RPTOR: variants seen among roughly 807,000 people sequenced by gnomAD.
RPTOR encodes the protein regulatory associated protein of MTOR complex 1.
A neutral mutation model predicts 169.9 loss-of-function variants in RPTOR; 21 were observed. That is an observed-to-expected ratio of 0.12 (90% CI 0.09 to 0.18). The LOEUF is 0.18. Among genes scored for constraint, RPTOR ranks in the 10% least tolerant of loss-of-function variants. The pLI is 1.00. For synonymous variants in RPTOR, 732 were observed against 753.2 expected (o/e 0.97, Z 0.46); for missense variants, 1,133 against 1,855.9 (o/e 0.61, Z 7.16).
intron 3 of RPTOR, among the ~76,000 whole-genome samples, chr17:80,700,779 TGA>T (rs2066092277): frequency 1.8e-4 from 2 of 11,220 alleles, no homozygotes; most frequent in African/African-American, 9.1e-4. Flanking sequence ...ATGGTAGAGA[TGA>T]TGATGGTGGT....
At chr17:80,672,443 G>A (rs1337426210) in intron 3 of RPTOR, among the ~76,000 whole-genome samples, 1 of 151,236 alleles carries the variant, frequency 6.6e-6, no homozygotes, top group Non-Finnish European at 1.5e-5. Flanking sequence ...GCATATATGA[G>A]GGGACTTCAA....
intron 5 of RPTOR, among the ~76,000 whole-genome samples, chr17:80,742,538 G>A (rs1240319210): frequency 1.3e-5 from 2 of 151,118 alleles, no homozygotes; most frequent in African/African-American, 4.9e-5. Flanking sequence ...ACATGTACAC[G>A]TATACTCACC....
At chr17:80,891,663 C>A in intron 17 of RPTOR, 57 bp from the exon 18 acceptor site, 1 of 1,195,394 alleles carries the variant, frequency 8.4e-7, no homozygotes, top group Non-Finnish European at 1.2e-6. Context: ...CTCACTGCTG[C>A]TCCACAATCA....
chr17:80,636,008 C>T (rs2065503525), intron 2 of RPTOR, among the ~76,000 whole-genome samples: 1 of 152,120 alleles, frequency 6.6e-6, no homozygotes, highest in Non-Finnish European at 1.5e-5. Context: ...AGGCAGACCT[C>T]AGGATTTTAT....
intron 7 of RPTOR, among the ~76,000 whole-genome samples, chr17:80,800,568 C>T (rs908147538): frequency 1.3e-5 from 2 of 152,116 alleles, no homozygotes; most frequent in Admixed American, 1.3e-4. Context: ...GAACCTTCCT[C>T]GAGCGACCCC....
intron 20 of RPTOR, among the ~76,000 whole-genome samples, chr17:80,898,224 T>C (rs1008925395): frequency 2.6e-4 from 40 of 152,232 alleles, no homozygotes; most frequent in African/African-American, 8.9e-4. Flanking sequence ...TCTCATTCTT[T>C]CCCTTGAGGC....
chr17:80,897,332 C>A (rs531717769), intron 20 of RPTOR, among the ~76,000 whole-genome samples: 10 of 151,954 alleles, frequency 6.6e-5, no homozygotes, highest in South Asian at 2.1e-4. Context: ...ACCTTTGATA[C>A]GACATTTGCT....
chr17:80,944,676 G>A (rs1475161852), intron 25 of RPTOR, among the ~76,000 whole-genome samples: 3 of 152,114 alleles, frequency 2.0e-5, no homozygotes, highest in South Asian at 2.1e-4. Context: ...GATAAGATAC[G>A]TCGTGAATAT....
chr17:80,577,032 T>A (rs868058471), intron 1 of RPTOR, among the ~76,000 whole-genome samples: 9 of 124,172 alleles, frequency 7.2e-5, no homozygotes, highest in Middle Eastern at 4.3e-3. Flanking sequence ...CAGTCATAAT[T>A]CTTTTTTTTT....
intron 6 of RPTOR, among the ~76,000 whole-genome samples, chr17:80,779,986 G>A (rs1035802062): frequency 1.3e-5 from 2 of 152,080 alleles, no homozygotes; most frequent in Non-Finnish European, 1.5e-5. Flanking sequence ...TCCTTGGCCC[G>A]ACTCCATGCT....
chr17:80,568,922 C>G (rs2064874146), intron 1 of RPTOR, among the ~76,000 whole-genome samples: 1 of 152,174 alleles, frequency 6.6e-6, no homozygotes, highest in African/African-American at 2.4e-5. Flanking sequence ...GAAGTGACCT[C>G]CCATGGTGTC....
intron 20 of RPTOR, among the ~76,000 whole-genome samples, chr17:80,900,756 TC>T: frequency 6.6e-6 from 1 of 152,190 alleles, no homozygotes; most frequent in East Asian, 1.9e-4. Flanking sequence ...GTCCCTCCAC[TC>T]ACACGTATCT....
At position 80,665,479 on chromosome 17, in the gene RPTOR, TTTCC is replaced by T. The variant is rs1328588760; in HGVS notation, c.348+21672_348+21675del. Reference sequence around the variant, plus strand: ...TTTCCTTTCCTTTCCTTTCCTTTCCTTTCCTTTCCTTTCCTTTCCTTTCCATGTC... The same window carrying T: ...TTTCCTTTCCTTTCCTTTCCTTTCCTTTTCCTTTCCTTTCCTTTCCATGTC... On this transcript the variant is annotated intron_variant, in intron 3 of 33. Transcript: ENST00000306801. Among the ~76,000 whole-genome samples, 6 of 41,964 alleles carry T rather than the reference TTTCC, an allele frequency of 1.4e-4. 1 individual carries two copies. In the African/African-American group the frequency reaches 1.7e-3, roughly 12 times the overall value. 27.5% of individuals were successfully genotyped at this position (41,964 alleles called of 152,430 possible). A position where few individuals can be genotyped will look rare whatever the true frequency, so the allele number is the denominator to read the frequency against.
At chr17:80,859,750 G>A (rs1487342828) in intron 13 of RPTOR, among the ~76,000 whole-genome samples, 1 of 152,236 alleles carries the variant, frequency 6.6e-6, no homozygotes, top group Non-Finnish European at 1.5e-5. Flanking sequence ...GTATGTGGGC[G>A]CTTGTGCGTG....
At chr17:80,643,138 C>T (rs1411333665) in intron 2 of RPTOR, among the ~76,000 whole-genome samples, 2 of 152,116 alleles carry the variant, frequency 1.3e-5, no homozygotes, top group Admixed American at 6.5e-5. Context: ...TTTTAGAGTG[C>T]AAAGGGGTCC....
intron 29 of RPTOR, among the ~76,000 whole-genome samples, chr17:80,958,405 C>CTTT (rs34955105): frequency 0.016 from 1,374 of 83,620 alleles, 139 homozygotes; most frequent in African/African-American, 0.053. Flanking sequence ...ATTTTTGTTT[C>CTTT]TTTTTTTTTT....
chr17:80,772,958 C>A (rs1484736738), intron 6 of RPTOR, among the ~76,000 whole-genome samples: 1 of 152,150 alleles, frequency 6.6e-6, no homozygotes, highest in Non-Finnish European at 1.5e-5. Context: ...GACCTGAGCG[C>A]TCTTCTCTTC....
intron 2 of RPTOR, among the ~76,000 whole-genome samples, chr17:80,636,499 G>A (rs1262011208): frequency 6.6e-6 from 1 of 152,098 alleles, no homozygotes; most frequent in Non-Finnish European, 1.5e-5. Flanking sequence ...CATCTTCCAA[G>A]ATGGGGCTGT....
At chr17:80,876,836 G>A (rs1392469062) in intron 13 of RPTOR, among the ~76,000 whole-genome samples, 2 of 116,778 alleles carry the variant, frequency 1.7e-5, no homozygotes, top group African/African-American at 3.4e-5. Context: ...GTCTTCCACC[G>A]AGCCCGTGCC....
Sources: gnomAD v4.1 joint callset for allele counts (sites outside exome capture counted in the v4.1 genomes callset) on GRCh38, gnomAD v4.1.1 for gene constraint, MANE v1.5 for transcripts, NCBI Gene and HGNC (gene_info 2026-07-23, HGNC 2026-07-21) for gene names.